DLGAP2: variants seen among roughly 807,000 people sequenced by gnomAD.
The protein encoded by DLGAP2 is DLG associated protein 2, also known as disks large-associated protein 2.
DLGAP2 carries 26 observed loss-of-function variants against 100.3 expected under a neutral mutation model. The ratio of observed to expected loss-of-function variants is 0.26; its 90% CI spans 0.19 to 0.36. The LOEUF (loss-of-function observed/expected upper bound fraction) is 0.36, where lower values mean the gene tolerates loss of function less well. DLGAP2 is among the 10% of genes least tolerant of loss of function. The pLI is 1.00. For missense variants in DLGAP2, 1,858 were observed against 1,453.2 expected (o/e 1.28, Z -4.53); for synonymous variants, 886 against 630.1 (o/e 1.41, Z -6.08).
intron 2 of DLGAP2, among the ~76,000 whole-genome samples, chr8:1,153,696 C>T (rs1445720329): frequency 6.6e-6 from 1 of 152,204 alleles, no homozygotes; most frequent in Non-Finnish European, 1.5e-5. Flanking sequence ...TAGGCTTTTC[C>T]TGCATTGCCA....
intron 6 of DLGAP2, among the ~76,000 whole-genome samples, chr8:1,606,849 A>C (rs1219201925): frequency 1.3e-5 from 2 of 152,170 alleles, no homozygotes; most frequent in African/African-American, 4.8e-5. Flanking sequence ...ACACCCAGCT[A>C]AGTTTTTGTA....
intron 2 of DLGAP2, among the ~76,000 whole-genome samples, chr8:1,102,626 T>C (rs973440255): frequency 6.6e-6 from 1 of 152,180 alleles, no homozygotes; most frequent in African/African-American, 2.4e-5. Flanking sequence ...GGAAATGTTA[T>C]CTCCCCACTG....
At chr8:1,623,554 C>G (rs1797407884) in intron 6 of DLGAP2, among the ~76,000 whole-genome samples, 1 of 150,750 alleles carries the variant, frequency 6.6e-6, no homozygotes, top group Non-Finnish European at 1.5e-5. Context: ...TGCGTGATAA[C>G]CTGGCACCAG....
intron 2 of DLGAP2, among the ~76,000 whole-genome samples, chr8:1,104,212 C>T (rs1450829514): frequency 6.6e-6 from 1 of 152,116 alleles, no homozygotes; most frequent in Non-Finnish European, 1.5e-5. Context: ...CACGGTGGAG[C>T]CTCAGACAAG....
chr8:1,434,920 G>T (rs532418315), intron 3 of DLGAP2, among the ~76,000 whole-genome samples: 2 of 152,234 alleles, frequency 1.3e-5, no homozygotes, highest in Admixed American at 6.5e-5. Context: ...TGCAGGAATG[G>T]GCGTGCCTGG....
intron 2 of DLGAP2, among the ~76,000 whole-genome samples, chr8:1,000,125 C>T (rs569729461): frequency 5.4e-5 from 8 of 147,532 alleles, no homozygotes; most frequent in East Asian, 2.0e-4. Flanking sequence ...CAGACAGATC[C>T]GGGTGGACGT....
chr8:1,637,501 A>C (rs978275880), intron 8 of DLGAP2, among the ~76,000 whole-genome samples: 2 of 152,096 alleles, frequency 1.3e-5, no homozygotes, highest in African/African-American at 4.8e-5. Flanking sequence ...TGCACACCCC[A>C]CAAAGGCAAC....
Position 1,272,607 on chromosome 8 carries a change from T to A in DLGAP2, c.106+13724T>A, listed in dbSNP as rs549452257. 3.3e-5 allele frequency among the ~76,000 whole-genome samples: 5 copies of A among 152,244 alleles called. No individual in the cohort carries two copies. In the South Asian group the frequency reaches 1.0e-3, roughly 32 times the overall value. Reference sequence around the variant, plus strand: ...TATGATCATGCCAAAGCAATGCAAATGATTTCAGCTGTGGAAGGGAATAAT... The same window carrying A: ...TATGATCATGCCAAAGCAATGCAAAAGATTTCAGCTGTGGAAGGGAATAAT... On this transcript the variant is annotated intron_variant, in intron 3 of 14. Coordinates refer to ENST00000637795, the MANE Select transcript of DLGAP2 (RefSeq NM_001346810.2).
chr8:1,694,704 C>T (rs946363260), intron 13 of DLGAP2, among the ~76,000 whole-genome samples: 2 of 152,122 alleles, frequency 1.3e-5, no homozygotes, highest in Non-Finnish European at 1.5e-5. Flanking sequence ...GAGAGCTGCC[C>T]CAGGCCACAC....
At chr8:965,530 CGGCACTGTTCACCACACAG>C (rs1799839126) in intron 2 of DLGAP2, among the ~76,000 whole-genome samples, 1 of 135,772 alleles carries the variant, frequency 7.4e-6, no homozygotes, top group African/African-American at 2.9e-5. Flanking sequence ...GCGCTGCACA[CGGCACTGTTCACCACACAG>C]GGCTCCTGAG....
chr8:1,113,139 G>C (rs1202447777), intron 2 of DLGAP2, among the ~76,000 whole-genome samples: 1 of 152,066 alleles, frequency 6.6e-6, no homozygotes, highest in East Asian at 1.9e-4. Flanking sequence ...ATAATATGAT[G>C]CCTCCAGCTT....
chr8:1,458,026 G>GTA (rs1798370110), intron 3 of DLGAP2, among the ~76,000 whole-genome samples: 1 of 130,334 alleles, frequency 7.7e-6, no homozygotes, highest in Non-Finnish European at 1.7e-5. Context: ...TTTTTTATAT[G>GTA]TGTGTATATA....
intron 3 of DLGAP2, among the ~76,000 whole-genome samples, chr8:1,476,543 C>T (rs1018552388): frequency 5.9e-5 from 9 of 152,198 alleles, no homozygotes; most frequent in African/African-American, 2.2e-4. Flanking sequence ...CACACACCTC[C>T]TCATGGTTCC....
At chr8:1,341,154 G>A (rs1397426186) in intron 3 of DLGAP2, among the ~76,000 whole-genome samples, 1 of 152,114 alleles carries the variant, frequency 6.6e-6, no homozygotes, top group African/African-American at 2.4e-5. Context: ...CTTGGGTGAT[G>A]AAATAATCTG....
At chr8:987,102 T>G (rs2129015633) in intron 2 of DLGAP2, among the ~76,000 whole-genome samples, 1 of 152,350 alleles carries the variant, frequency 6.6e-6, no homozygotes, top group East Asian at 1.9e-4. Context: ...TTTTTTCCTA[T>G]ACTTCTTTGG....
intron 6 of DLGAP2, among the ~76,000 whole-genome samples, chr8:1,617,317 T>C (rs1456415187): frequency 6.6e-6 from 1 of 152,238 alleles, no homozygotes; most frequent in Non-Finnish European, 1.5e-5. Flanking sequence ...CTTTCCCCAA[T>C]GGTTGAACTA....
chr8:1,489,737 A>C (rs753450898), intron 3 of DLGAP2, among the ~76,000 whole-genome samples: 1 of 152,222 alleles, frequency 6.6e-6, no homozygotes, highest in Admixed American at 6.5e-5. Flanking sequence ...GCAAACTCAG[A>C]TCACAAACCG....
intron 2 of DLGAP2, among the ~76,000 whole-genome samples, chr8:1,226,084 C>G (rs192169243): frequency 1.8e-4 from 28 of 151,902 alleles, no homozygotes; most frequent in African/African-American, 6.8e-4. Flanking sequence ...GGGTAATATC[C>G]AAAATTTATA....
intron 8 of DLGAP2, among the ~76,000 whole-genome samples, chr8:1,636,653 A>G (rs536834058): frequency 7.4e-4 from 112 of 152,302 alleles, no homozygotes; most frequent in African/African-American, 2.2e-3. Flanking sequence ...ATCTTGTCAC[A>G]AAGAGTGGAT....
Sources: allele counts gnomAD v4.1 joint callset (sites outside exome capture counted in the v4.1 genomes callset), GRCh38; gene constraint gnomAD v4.1.1; transcripts MANE v1.5; gene names NCBI Gene and HGNC (gene_info 2026-07-23, HGNC 2026-07-21).